Variants in PHACTR4 observed in about 807,000 individuals in gnomAD.
PHACTR4 encodes phosphatase and actin regulator 4, also known as protein phosphatase 1, regulatory subunit 124.
Under a neutral mutation model 72.7 loss-of-function variants are expected in PHACTR4, and 51 were observed. The ratio of observed to expected loss-of-function variants is 0.70; its 90% CI spans 0.56 to 0.89. The LOEUF is 0.89. PHACTR4 is among the 40% of genes least tolerant of loss of function. The probability of loss-of-function intolerance (pLI) is 0.00; values close to 1 mark genes in which losing one functional copy is unlikely to be tolerated. For synonymous variants in PHACTR4, 255 were observed against 302.5 expected (o/e 0.84, Z 1.63); for missense variants, 731 against 861.8 (o/e 0.85, Z 1.90).
chr1:28,491,337 A>G (rs1262548621), intron 11 of PHACTR4, among the ~76,000 whole-genome samples: 1 of 152,086 alleles, frequency 6.6e-6, no homozygotes, highest in Non-Finnish European at 1.5e-5. Flanking sequence ...ATGCGCCTGT[A>G]ATATCAGCTA....
At chr1:28,474,560 C>T (rs931969328) in intron 7 of PHACTR4, among the ~76,000 whole-genome samples, 6 of 150,486 alleles carry the variant, frequency 4.0e-5, no homozygotes, top group African/African-American at 1.2e-4. Flanking sequence ...TTTTTTTTTC[C>T]GAGATGGAGT....
At chr1:28,444,526 C>T (rs1266346138) in intron 2 of PHACTR4, among the ~76,000 whole-genome samples, 2 of 151,584 alleles carry the variant, frequency 1.3e-5, no homozygotes, top group African/African-American at 4.8e-5. Context: ...CAGCCCTTGG[C>T]CTATTTGGGC....
intron 9 of PHACTR4, among the ~76,000 whole-genome samples, chr1:28,484,244 C>T (rs138613342): frequency 1.3e-5 from 2 of 152,114 alleles, no homozygotes; most frequent in East Asian, 3.9e-4. Context: ...TCACTTGAAC[C>T]CAGGAGGCAG....
At chr1:28,438,073 C>A in intron 2 of PHACTR4, 1 of 966,368 alleles carries the variant, frequency 1.0e-6, no homozygotes, top group Non-Finnish European at 1.2e-6. Flanking sequence ...TGCCAGTCAG[C>A]AGCCAGAATG....
At chr1:28,462,288 C>T (rs986870875) in intron 4 of PHACTR4, among the ~76,000 whole-genome samples, 2 of 152,076 alleles carry the variant, frequency 1.3e-5, no homozygotes, top group Non-Finnish European at 2.9e-5. Flanking sequence ...GGATTACAGG[C>T]GTGAGCCACC....
rs1658702587 is a variant in PHACTR4 at position 28,460,273 on chromosome 1, G to A, written c.252G>A (p.Leu84=). 1.9e-6 allele frequency: 3 copies of A among 1,613,458 alleles called. No homozygotes were observed. The highest frequency in any genetic ancestry group is 2.7e-5 in the African/African-American group (2 of 74,902). ...AAGAGCTGGTTAAAAGAGGGGTTCTGTTGGAAGACCCTGAGCAAGGTGAGT... is the reference window on the plus strand; with the variant it reads ...AAGAGCTGGTTAAAAGAGGGGTTCTATTGGAAGACCCTGAGCAAGGTGAGT... The part of the protein sequence containing the change: ...PREELVKRGV[L]LEDPEQGGED... The change falls in exon 4 of 14, where the codon CTG becomes CTA. Residue 84 remains leucine, a synonymous_variant. Transcript: ENST00000373839.
chr1:28,385,655 T>C (rs12126446), intron 1 of PHACTR4, among the ~76,000 whole-genome samples: 54,363 of 143,514 alleles, frequency 0.38, 12,054 homozygotes, highest in African/African-American at 0.6. Context: ...CTCATTCTGT[T>C]GCCCAGGCTG....
chr1:28,376,041 C>G (rs1026153362), intron 1 of PHACTR4, among the ~76,000 whole-genome samples: 2 of 151,658 alleles, frequency 1.3e-5, no homozygotes, highest in Admixed American at 1.3e-4. Flanking sequence ...TGCACTCCAG[C>G]CTGGGCAACA....
At chr1:28,399,038 G>A (rs990784184) in intron 1 of PHACTR4, among the ~76,000 whole-genome samples, 1 of 151,916 alleles carries the variant, frequency 6.6e-6, no homozygotes, top group African/African-American at 2.4e-5. Flanking sequence ...AAGGCTGGGT[G>A]CGGTGGCTCA....
intron 10 of PHACTR4, 24 bp from the exon 11 acceptor site, chr1:28,490,927 C>T (rs780104661): frequency 6.8e-6 from 11 of 1,606,130 alleles, no homozygotes; most frequent in Non-Finnish European, 9.4e-6. Context: ...AGTAATATTC[C>T]TTCCTTCTGA....
chr1:28,382,017 C>T (rs556828381), intron 1 of PHACTR4, among the ~76,000 whole-genome samples: 3 of 152,292 alleles, frequency 2.0e-5, no homozygotes, highest in Non-Finnish European at 4.4e-5. Context: ...ATCCACCTGC[C>T]TTGGCCTCCC....
rs146501511 is a variant in PHACTR4 at position 28,457,032 on chromosome 1, A to G, written c.17-2053A>G. Among the ~76,000 whole-genome samples, 5 of 152,300 alleles carry G rather than the reference A, an allele frequency of 3.3e-5. No individual in the cohort carries two copies. The East Asian group carries it at 9.6e-4, about 29-fold the overall frequency. ...TTGTATAAGTCATGCAACTAGGAAGAGTCACTGTCCTCTTGTCATTTCCAT... is the reference window on the plus strand; with the variant it reads ...TTGTATAAGTCATGCAACTAGGAAGGGTCACTGTCCTCTTGTCATTTCCAT... On this transcript the variant is annotated intron_variant, in intron 2 of 13. Transcript: ENST00000373839.
chr1:28,437,610 T>C (rs1301347956), intron 2 of PHACTR4, among the ~76,000 whole-genome samples: 2 of 152,198 alleles, frequency 1.3e-5, no homozygotes, highest in Admixed American at 6.5e-5. Flanking sequence ...TGTGAGGGCC[T>C]TCTTCCTGGT....
At chr1:28,423,876 G>A (rs1225368348) in intron 2 of PHACTR4, among the ~76,000 whole-genome samples, 2 of 152,196 alleles carry the variant, frequency 1.3e-5, no homozygotes, top group Non-Finnish European at 2.9e-5. Context: ...ACAGAATTGG[G>A]AGAAGGAATA....
At chr1:28,398,119 C>T (rs963094002) in intron 1 of PHACTR4, among the ~76,000 whole-genome samples, 16 of 152,178 alleles carry the variant, frequency 1.1e-4, no homozygotes, top group Admixed American at 9.8e-4. Context: ...TTGATACATT[C>T]GAAGAGTTCT....
At chr1:28,396,782 C>G (rs1347089553) in intron 1 of PHACTR4, among the ~76,000 whole-genome samples, 1 of 150,482 alleles carries the variant, frequency 6.6e-6, no homozygotes, top group Non-Finnish European at 1.5e-5. Context: ...CCTCAGCCTC[C>G]TGAGTAGCTG....
intron 4 of PHACTR4, among the ~76,000 whole-genome samples, chr1:28,463,967 A>G (rs1658977321): frequency 6.6e-6 from 1 of 151,830 alleles, no homozygotes; most frequent in African/African-American, 2.4e-5. Context: ...CTTGGGCTCA[A>G]CGATCCTCCC....
Position 28,496,946 on chromosome 1 carries a change from T to C in PHACTR4, c.*397T>C. On this transcript the variant is annotated 3_prime_UTR_variant, in exon 14 of 14. Transcript: ENST00000373839. The stretch of plus-strand genomic sequence containing the variant: ...CTGCCCTGATTGTGAGACCCAAATG[T>C]GTAGGCTCTAAATTCCAGCCATCAA... 4.6e-6 allele frequency: 1 copy of C among 215,920 alleles called. No individual in the cohort carries two copies. Among genetic ancestry groups the C allele is most frequent in the Non-Finnish European group, 9.2e-6 (1 of 108,476 alleles). The allele number at this position is 215,920 out of a possible 1,614,324, so 13.4% of individuals were successfully genotyped here.
intron 4 of PHACTR4, among the ~76,000 whole-genome samples, chr1:28,461,588 T>C (rs1185688190): frequency 1.3e-5 from 2 of 152,228 alleles, no homozygotes. Flanking sequence ...ATTTATTATC[T>C]CAACTGTATA....
Sources: allele counts gnomAD v4.1 joint callset (sites outside exome capture counted in the v4.1 genomes callset), GRCh38; gene constraint gnomAD v4.1.1; transcripts MANE v1.5; gene names NCBI Gene and HGNC (gene_info 2026-07-23, HGNC 2026-07-21).